The following SUGCT variants were observed in gnomAD, a reference collection of about 807,000 sequenced individuals.
The protein encoded by SUGCT is succinyl-CoA:glutarate CoA-transferase.
A neutral mutation model predicts 55.0 loss-of-function variants in SUGCT; 41 were observed. That is an observed-to-expected ratio of 0.74 (90% CI 0.58 to 0.97). The LOEUF is 0.97. Ranked by LOEUF, SUGCT falls within the 50% of genes least tolerant of loss-of-function variation. The pLI is 0.00. For missense variants in SUGCT, 568 were observed against 547.8 expected, an observed-to-expected ratio of 1.04 and a Z score of -0.37; for synonymous variants, 187 against 200.4, an observed-to-expected ratio of 0.93 and a Z score of 0.56.
chr7:40,643,228 T>C (rs1220971525), intron 12 of SUGCT, among the ~76,000 whole-genome samples: 1 of 152,186 alleles, frequency 6.6e-6, no homozygotes, highest in Non-Finnish European at 1.5e-5. Context: ...ATTAATAATA[T>C]AAGTCCCTTT....
intron 9 of SUGCT, among the ~76,000 whole-genome samples, chr7:40,332,222 C>T (rs138882819): frequency 2.0e-5 from 3 of 152,258 alleles, no homozygotes; most frequent in Non-Finnish European, 4.4e-5. Flanking sequence ...ATCCTGAAAA[C>T]ATCCTAGTAA....
At position 40,721,909 on chromosome 7, in the gene SUGCT, C is replaced by T. The variant is rs144306533; in HGVS notation, c.1090-27525C>T. Among the ~76,000 whole-genome samples, 7 of 152,236 alleles carry T rather than the reference C, an allele frequency of 4.6e-5. No individual in the cohort carries two copies. The East Asian group carries it at 1.3e-3, about 29-fold the overall frequency. ...TCCCAATGAGACTTTTAGAGTTGGA[C>T]ACATTTCAAGAATGTCCTTTCATAG... On this transcript the variant is annotated intron_variant, in intron 12 of 13. Coordinates refer to ENST00000335693, the MANE Select transcript of SUGCT (RefSeq NM_001193313.2).
At chr7:40,665,436 T>A (rs551991458) in intron 12 of SUGCT, among the ~76,000 whole-genome samples, 1 of 109,024 alleles carries the variant, frequency 9.2e-6, no homozygotes, top group African/African-American at 3.6e-5. Context: ...TCTCAAAAAA[T>A]AAATAAATAA....
At chr7:40,255,317 G>C (rs1402182637) in intron 7 of SUGCT, among the ~76,000 whole-genome samples, 1 of 151,622 alleles carries the variant, frequency 6.6e-6, no homozygotes, top group Non-Finnish European at 1.5e-5. Flanking sequence ...CTGGTAGAAG[G>C]ATTAGGCAAG....
intron 8 of SUGCT, among the ~76,000 whole-genome samples, chr7:40,293,579 G>A (rs1419341265): frequency 1.3e-5 from 2 of 152,272 alleles, no homozygotes; most frequent in Non-Finnish European, 1.5e-5. Context: ...GGCCTCACAC[G>A]CAAGCATTGA....
At chr7:40,535,752 G>A (rs1376934742) in intron 12 of SUGCT, among the ~76,000 whole-genome samples, 1 of 152,134 alleles carries the variant, frequency 6.6e-6, no homozygotes, top group African/African-American at 2.4e-5. Context: ...GGTCAGGCTG[G>A]CCTCGAACTC....
At chr7:40,873,012 T>C in the SUGCT span, among the ~76,000 whole-genome samples, 1 of 152,164 alleles carries the variant, frequency 6.6e-6, no homozygotes, top group East Asian at 1.9e-4. Context: ...ACCCGGCTGA[T>C]CCCTTGATCA....
At chr7:40,803,938 T>C (rs938710965) in intron 13 of SUGCT, among the ~76,000 whole-genome samples, 16 of 152,324 alleles carry the variant, frequency 1.1e-4, no homozygotes, top group African/African-American at 3.6e-4. Context: ...CGATTTATAT[T>C]ACTTTTCTAC....
intron 9 of SUGCT, among the ~76,000 whole-genome samples, chr7:40,422,537 G>C (rs1332749034): frequency 6.6e-6 from 1 of 151,760 alleles, no homozygotes; most frequent in East Asian, 1.9e-4. Flanking sequence ...TCTTTACTTA[G>C]AATGCATTCT....
rs559014810 is a variant in SUGCT, at chr7:40,679,140, G to T, written c.1090-70294G>T. Among the ~76,000 whole-genome samples the T allele has an allele frequency of 7.2e-5, 11 of 152,244 alleles. No homozygotes were observed. The South Asian group carries it at 2.1e-3, about 29-fold the overall frequency. On this transcript the variant is annotated intron_variant, in intron 12 of 13. Coordinates refer to ENST00000335693, the MANE Select transcript of SUGCT (RefSeq NM_001193313.2). ...ATGCCTCATTCTCTTTTATGTGAAG[G>T]TACAAACGTCTCTGTAGTATGTCTA...
intron 13 of SUGCT, among the ~76,000 whole-genome samples, chr7:40,774,759 C>G (rs2128731609): frequency 6.9e-6 from 1 of 144,082 alleles, no homozygotes; most frequent in East Asian, 2.0e-4. Context: ...AATATAACGA[C>G]TAAGGCATTT....
chr7:40,733,790 A>G (rs1428366873), intron 12 of SUGCT, among the ~76,000 whole-genome samples: 2 of 152,126 alleles, frequency 1.3e-5, no homozygotes, highest in African/African-American at 4.8e-5. Context: ...ACATTTATCA[A>G]CCGCTGCTTG....
rs568181789 is a variant in SUGCT, at chr7:40,275,005, C to T, written c.720+349C>T. On this transcript the variant is annotated intron_variant, in intron 8 of 13. Transcript: ENST00000335693. ...TAGTAGAGATGGGGTTTCTCCATGT[C>T]GGTCAGGCTGGTCTCGAACTCCCGA... is the stretch of plus-strand genomic sequence containing the variant. Among the ~76,000 whole-genome samples, 19 of 152,024 alleles carry T rather than the reference C, an allele frequency of 1.2e-4. No homozygotes were observed. In the South Asian group the frequency reaches 1.9e-3, roughly 15 times the overall value.
At chr7:40,430,175 A>G (rs1188999926) in intron 9 of SUGCT, among the ~76,000 whole-genome samples, 2 of 152,156 alleles carry the variant, frequency 1.3e-5, no homozygotes, top group African/African-American at 4.8e-5. Context: ...TCCTTTGGGT[A>G]TATGCTCAGA....
At chr7:40,636,749 G>A (rs1800039481) in intron 12 of SUGCT, among the ~76,000 whole-genome samples, 1 of 152,078 alleles carries the variant, frequency 6.6e-6, no homozygotes, top group African/African-American at 2.4e-5. Flanking sequence ...CACTTAAAAT[G>A]CTTAAAAGGA....
In SUGCT at chr7:40,459,123, T is replaced by C. The variant is rs1162930477; in HGVS notation, c.911T>C (p.Ile304Thr). 1.9e-6 allele frequency: 3 copies of C among 1,611,090 alleles called. No homozygotes were observed. The highest frequency in any genetic ancestry group is 1.1e-5 in the South Asian group (1 of 90,984). The change falls in exon 11 of 14, where the codon ATT becomes ACT. Residue 304 changes from isoleucine to threonine, a missense_variant. Physicochemically the swap from Ile to Thr is moderately conservative, Grantham distance 89 (BLOSUM62 -1). Coordinates refer to ENST00000335693, the MANE Select transcript of SUGCT (RefSeq NM_001193313.2). ...VCKILDLPEL[I>T]DNSKYKTNHL... ...TAGATCTTGGATTTGCCTGAGTTGATTGATAATTCCAAGTATAAAACTAAC... is the reference window on the plus strand; with the variant it reads ...TAGATCTTGGATTTGCCTGAGTTGACTGATAATTCCAAGTATAAAACTAAC...
At chr7:41,023,605 G>A in the SUGCT span, among the ~76,000 whole-genome samples, 2 of 152,152 alleles carry the variant, frequency 1.3e-5, no homozygotes, top group Non-Finnish European at 2.9e-5. Flanking sequence ...TGTAAGGAGC[G>A]ATGGACAAAT....
chr7:40,864,068 G>A (rs1319533465), downstream of SUGCT, among the ~76,000 whole-genome samples: 1 of 152,118 alleles, frequency 6.6e-6, no homozygotes, highest in Non-Finnish European at 1.5e-5. Context: ...CAAAACTAGG[G>A]TTAAATGTTT....
the SUGCT span, among the ~76,000 whole-genome samples, chr7:41,006,907 C>CT: frequency 6.6e-6 from 1 of 152,180 alleles, no homozygotes; most frequent in African/African-American, 2.4e-5. Flanking sequence ...TGAAGAATAA[C>CT]TATCTGAAGA....
Sources: allele counts gnomAD v4.1 joint callset (sites outside exome capture counted in the v4.1 genomes callset), GRCh38; gene constraint gnomAD v4.1.1; transcripts MANE v1.5; gene names NCBI Gene and HGNC (gene_info 2026-07-23, HGNC 2026-07-21).